The following ARHGEF26 variants were observed in gnomAD, a reference collection of about 807,000 sequenced individuals.
ARHGEF26 encodes Rho guanine nucleotide exchange factor (GEF) 26.
Under a neutral mutation model 89.4 loss-of-function variants are expected in ARHGEF26, and 59 were observed. That is an observed-to-expected ratio of 0.66 (90% CI 0.54 to 0.82). The LOEUF (loss-of-function observed/expected upper bound fraction) is 0.82. ARHGEF26 is among the 40% of genes least tolerant of loss of function. The pLI is 0.00. For synonymous variants in ARHGEF26, 500 were observed against 428.4 expected, an observed-to-expected ratio of 1.17 and a Z score of -2.06; for missense variants, 1,234 against 1,085.6, an observed-to-expected ratio of 1.14 and a Z score of -1.92.
At chr3:154,164,269 T>C (rs1205040860) in intron 6 of ARHGEF26, among the ~76,000 whole-genome samples, 2 of 152,090 alleles carry the variant, frequency 1.3e-5, no homozygotes, top group African/African-American at 2.4e-5. Flanking sequence ...TGAAATCACC[T>C]ATATGCTAAG....
intron 7 of ARHGEF26, among the ~76,000 whole-genome samples, chr3:154,188,692 A>G (rs948367616): frequency 6.6e-6 from 1 of 152,102 alleles, no homozygotes; most frequent in Non-Finnish European, 1.5e-5. Context: ...ACTTCTGTGC[A>G]ATATGTGAGA....
chr3:154,173,006 G>A (rs751519500), intron 6 of ARHGEF26, among the ~76,000 whole-genome samples: 6 of 152,014 alleles, frequency 3.9e-5, no homozygotes, highest in South Asian at 2.1e-4. Context: ...CACATATGTC[G>A]TAGCCTATGT....
intron 6 of ARHGEF26, among the ~76,000 whole-genome samples, chr3:154,179,604 G>A (rs1217687206): frequency 6.6e-6 from 1 of 152,216 alleles, no homozygotes; most frequent in Non-Finnish European, 1.5e-5. Flanking sequence ...TATTTTATGT[G>A]TCTAGAATAG....
At chr3:154,136,453 T>C (rs1487435077) in intron 4 of ARHGEF26, among the ~76,000 whole-genome samples, 1 of 152,178 alleles carries the variant, frequency 6.6e-6, no homozygotes, top group East Asian at 1.9e-4. Flanking sequence ...TGGGAGACTT[T>C]CTGGAATTGC....
intron 9 of ARHGEF26, among the ~76,000 whole-genome samples, chr3:154,199,275 T>A (rs989139429): frequency 2.0e-5 from 3 of 151,996 alleles, no homozygotes; most frequent in African/African-American, 4.8e-5. Context: ...AGTTCATTTT[T>A]AAAAAAAATT....
chr3:154,201,601 C>G (rs1481171193), intron 9 of ARHGEF26, among the ~76,000 whole-genome samples: 1 of 151,988 alleles, frequency 6.6e-6, no homozygotes, highest in Non-Finnish European at 1.5e-5. Context: ...AATGGTTGAA[C>G]TAGTTTACAG....
intron 6 of ARHGEF26, among the ~76,000 whole-genome samples, chr3:154,159,853 C>T (rs925952376): frequency 1.3e-5 from 2 of 151,982 alleles, no homozygotes; most frequent in Non-Finnish European, 1.5e-5. Flanking sequence ...AAAGGAAAAA[C>T]ACATTAAATT....
At chr3:154,123,754 A>T (rs896220997) in intron 2 of ARHGEF26, among the ~76,000 whole-genome samples, 1 of 152,168 alleles carries the variant, frequency 6.6e-6, no homozygotes, top group South Asian at 2.1e-4. Context: ...TGAAAACTTA[A>T]GGTTAGGGTG....
rs1249071783 is a variant in ARHGEF26, at chr3:154,122,567, G to T, written c.575G>T (p.Gly192Val). Residue 192 changes from glycine (G) to valine (V), a missense_variant, in exon 2 of 15, where the codon GGC becomes GTC. Coordinates refer to ENST00000465093, the MANE Select transcript of ARHGEF26 (RefSeq NM_015595.4). ...TCTCCTGGGTCAGGTTCGCAGTCCGGCCGGAAGGCAAAGGACCCCGAACGG... is the reference window on the plus strand; with the variant it reads ...TCTCCTGGGTCAGGTTCGCAGTCCGTCCGGAAGGCAAAGGACCCCGAACGG... ...NDSPGSGSQS[G>V]RKAKDPERGL... 3 of 1,613,614 alleles carry T rather than the reference G, an allele frequency of 1.9e-6. No homozygotes were observed. The highest frequency in any genetic ancestry group is 2.7e-5 in the African/African-American group (2 of 75,058).
In ARHGEF26 at chr3:154,255,949, G is replaced by C. The variant is rs146042824; in HGVS notation, c.*476G>C. The C allele has an allele frequency of 2.2e-4, 214 of 985,258 alleles. 3 individuals carry two copies. In the East Asian group the frequency reaches 0.016, roughly 73 times the overall value. 61.0% of individuals were successfully genotyped at this position (985,258 alleles called of 1,614,324 possible). A position where few individuals can be genotyped will look rare whatever the true frequency, so the allele number is the denominator to read the frequency against. On this transcript the variant is annotated 3_prime_UTR_variant, in exon 15 of 15. Coordinates refer to ENST00000465093, the MANE Select transcript of ARHGEF26 (RefSeq NM_015595.4). ...CCTTTTTTTTTCTTTTTTTACATCT[G>C]ATTTTAATGCTTCGTTAACTTCAAA...
At chr3:154,234,046 C>T (rs937916212) in intron 11 of ARHGEF26, among the ~76,000 whole-genome samples, 4 of 152,168 alleles carry the variant, frequency 2.6e-5, no homozygotes, top group Non-Finnish European at 4.4e-5. Context: ...AGCATCTTTT[C>T]TTTTAAATTA....
At chr3:154,237,370 T>C (rs748896173) in intron 11 of ARHGEF26, among the ~76,000 whole-genome samples, 2 of 151,964 alleles carry the variant, frequency 1.3e-5, no homozygotes, top group Non-Finnish European at 2.9e-5. Context: ...GGTGAAACCC[T>C]GTCTCTACTA....
intron 6 of ARHGEF26, among the ~76,000 whole-genome samples, chr3:154,180,066 A>G (rs970907723): frequency 4.6e-5 from 7 of 152,116 alleles, no homozygotes; most frequent in African/African-American, 1.7e-4. Flanking sequence ...TCTGTCTTCA[A>G]AGCCTACTGT....
In ARHGEF26 at chr3:154,255,646, C is replaced by A; in HGVS notation, c.*173C>A. 7.0e-7 allele frequency: 1 copy of A among 1,428,436 alleles called. No homozygotes were observed. Among genetic ancestry groups the A allele is most frequent in the South Asian group, 1.6e-5 (1 of 63,852 alleles). The allele number at this position is 1,428,436 out of a possible 1,614,324, so 88.5% of individuals were successfully genotyped here. A position where few individuals can be genotyped will look rare whatever the true frequency, so the allele number is the denominator to read the frequency against. On this transcript the variant is annotated 3_prime_UTR_variant, in exon 15 of 15. Transcript: ENST00000465093. Reference sequence around the variant, plus strand: ...CTCTCTCATGAGAAGAGCTTGGATACAGTGAGTTTGCACAGCTCAGTTTTT... The same window carrying A: ...CTCTCTCATGAGAAGAGCTTGGATAAAGTGAGTTTGCACAGCTCAGTTTTT...
chr3:154,121,374 A>G (rs1370825606), upstream of ARHGEF26: 1 of 147,678 alleles, frequency 6.8e-6, no homozygotes, highest in African/African-American at 2.5e-5. Context: ...GTGGGGGCGT[A>G]GTCAGGCGTG....
chr3:154,257,135 C>A lies in ARHGEF26; in HGVS notation c.*1662C>A. On this transcript the variant is annotated 3_prime_UTR_variant, in exon 15 of 15. Coordinates refer to ENST00000465093, the MANE Select transcript of ARHGEF26 (RefSeq NM_015595.4). ...GGGTAAGTGTGCCTGGCTCACACAG[C>A]CTGCACCCTGTCACCTCGGCAATGA... The A allele has an allele frequency of 2.5e-6, 2 of 814,504 alleles. No individual in the cohort carries two copies. Among genetic ancestry groups the A allele is most frequent in the Non-Finnish European group, 3.6e-6 (2 of 558,306 alleles). The allele number at this position is 814,504 out of a possible 1,614,324, so 50.5% of individuals were successfully genotyped here.
chr3:154,228,676 T>C (rs1450479586), intron 11 of ARHGEF26, among the ~76,000 whole-genome samples: 1 of 152,098 alleles, frequency 6.6e-6, no homozygotes, highest in Non-Finnish European at 1.5e-5. Flanking sequence ...AGAAGCTTCA[T>C]AAACAGACTT....
intron 7 of ARHGEF26, among the ~76,000 whole-genome samples, chr3:154,190,653 G>C (rs1265940396): frequency 1.3e-5 from 2 of 152,168 alleles, no homozygotes; most frequent in African/African-American, 4.8e-5. Flanking sequence ...AGTTACGTAG[G>C]TGGTTCCACA....
intron 11 of ARHGEF26, among the ~76,000 whole-genome samples, chr3:154,226,696 C>T (rs1716517283): frequency 6.9e-6 from 1 of 145,474 alleles, no homozygotes; most frequent in Non-Finnish European, 1.5e-5. Context: ...CACACACACA[C>T]CCCTTCAGCT....
Sources: gnomAD v4.1 joint callset for allele counts (sites outside exome capture counted in the v4.1 genomes callset) on GRCh38, gnomAD v4.1.1 for gene constraint, MANE v1.5 for transcripts, NCBI Gene and HGNC (gene_info 2026-07-23, HGNC 2026-07-21) for gene names.